Variants in TMEM232 observed in about 807,000 individuals in gnomAD.
TMEM232 encodes the protein transmembrane protein 232.
In TMEM232, 80 loss-of-function variants were observed where a neutral mutation model predicts 78.8. The ratio of observed to expected loss-of-function variants is 1.01; its 90% confidence interval spans 0.85 to 1.22. TMEM232 has a LOEUF of 1.22. Among genes scored for constraint, TMEM232 ranks in the 50% most tolerant of loss-of-function variants. The pLI, the probability that TMEM232 is intolerant of heterozygous loss-of-function variation, is 0.00. For missense variants in TMEM232, 881 were observed against 742.2 expected (o/e 1.19, Z -2.17); for synonymous variants, 297 against 254.3 (o/e 1.17, Z -1.60).
intron 2 of TMEM232, among the ~76,000 whole-genome samples, chr5:110,666,242 T>A (rs995704873): frequency 4.6e-5 from 7 of 152,202 alleles, no homozygotes; most frequent in African/African-American, 1.7e-4. Context: ...TGAAAAAGAT[T>A]ATACTCCATT....
intron 10 of TMEM232, among the ~76,000 whole-genome samples, chr5:110,569,637 T>G (rs943857092): frequency 4.6e-5 from 7 of 151,850 alleles, no homozygotes; most frequent in Admixed American, 2.0e-4. Flanking sequence ...TGAATAAAGA[T>G]AGAAGAACAA....
chr5:110,472,708 G>T (rs944336380), intron 12 of TMEM232, among the ~76,000 whole-genome samples: 1 of 151,866 alleles, frequency 6.6e-6, no homozygotes, highest in African/African-American at 2.4e-5. Flanking sequence ...AAAGCATGGT[G>T]TTGACATAAA....
At chr5:110,737,357 A>C (rs971031196) in intron 1 of TMEM232, among the ~76,000 whole-genome samples, 1 of 152,116 alleles carries the variant, frequency 6.6e-6, no homozygotes, top group Non-Finnish European at 1.5e-5. Context: ...AAACATATGT[A>C]TGTTATCCAT....
At chr5:110,521,724 T>C (rs1769543846) in intron 12 of TMEM232, among the ~76,000 whole-genome samples, 2 of 152,336 alleles carry the variant, frequency 1.3e-5, no homozygotes, top group African/African-American at 4.8e-5. Flanking sequence ...TTCTCTGTTA[T>C]ATATTCTTGG....
rs1239722729 is a variant in TMEM232 at position 110,715,897 on chromosome 5, T to G, written c.-13+10730A>C. ...AGAATTCATCTACATGATAAAACTTTGGTCGCTATAACCTCTTATTATAAA... is the reference window on the plus strand; with the variant it reads ...AGAATTCATCTACATGATAAAACTTGGGTCGCTATAACCTCTTATTATAAA... On this transcript the variant is annotated intron_variant, in intron 1 of 13. Transcript: ENST00000455884. 2.0e-5 allele frequency among the ~76,000 whole-genome samples: 3 copies of G among 152,204 alleles called. No individual in the cohort carries two copies. The East Asian group carries it at 5.8e-4, about 29-fold the overall frequency.
rs1787471706 is a variant in TMEM232 at position 110,646,338 on chromosome 5, C to T, written c.126-3967G>A. Among the ~76,000 whole-genome samples, 4 of 151,708 alleles carry T rather than the reference C, an allele frequency of 2.6e-5. No homozygotes were observed. In the South Asian group the frequency reaches 8.3e-4, roughly 31 times the overall value. On this transcript the variant is annotated intron_variant, in intron 2 of 13. Coordinates refer to ENST00000455884, the MANE Select transcript of TMEM232 (RefSeq NM_001039763.4). ...CTGACTTCAAAATATTACAAAGCCA[C>T]AGTAATTAAACCAGCATGGTACCGG...
intron 12 of TMEM232, among the ~76,000 whole-genome samples, chr5:110,444,640 ATGT>A (rs983349797): frequency 1.3e-5 from 2 of 152,038 alleles, no homozygotes; most frequent in East Asian, 3.9e-4. Flanking sequence ...TACCCCTTAA[ATGT>A]TGTTTTTAGT....
intron 12 of TMEM232, among the ~76,000 whole-genome samples, chr5:110,508,856 AT>A (rs1767288616): frequency 1.4e-5 from 2 of 145,378 alleles, no homozygotes; most frequent in Non-Finnish European, 3.0e-5. Flanking sequence ...ATATAATTAT[AT>A]ATATATATAC....
In TMEM232 at chr5:110,388,388, C is replaced by T. The variant is rs190641118; in HGVS notation, n.616-335G>A. Among the ~76,000 whole-genome samples the T allele has an allele frequency of 8.5e-5, 13 of 152,220 alleles. No homozygotes were observed. The East Asian group carries it at 1.7e-3, about 20-fold the overall frequency. ...CTAGTCCCAGGTAGTATATTCCTAT[C>T]GGCACAACTGCTGGCATTCGCCTGT... On this transcript the variant is annotated intron_variant and non_coding_transcript_variant, in intron 4 of 8. Transcript: ENST00000507188.
chr5:110,553,695 T>C (rs938008418), intron 11 of TMEM232, among the ~76,000 whole-genome samples: 10 of 152,172 alleles, frequency 6.6e-5, no homozygotes, highest in African/African-American at 2.4e-4. Context: ...TCTTTTCCTA[T>C]TTGGATGGCT....
At chr5:110,412,511 TA>T (rs1025888398) in intron 2 of TMEM232, among the ~76,000 whole-genome samples, 3 of 151,468 alleles carry the variant, frequency 2.0e-5, no homozygotes, top group African/African-American at 2.4e-5. Flanking sequence ...ATATGTGACT[TA>T]AAAAAAATCA....
In TMEM232 at chr5:110,466,769, C is replaced by T. The variant is rs191816153; in HGVS notation, c.1704-41853G>A. On this transcript the variant is annotated intron_variant, in intron 12 of 13. Coordinates refer to ENST00000455884, the MANE Select transcript of TMEM232 (RefSeq NM_001039763.4). ...CTGGGACTACAGGTGCCCACCACCA[C>T]GCCCGGCTAATTTTTTTTTGTATTT... 1.3e-4 allele frequency among the ~76,000 whole-genome samples: 20 copies of T among 151,908 alleles called. No individual in the cohort carries two copies. In the East Asian group the frequency reaches 3.7e-3, roughly 28 times the overall value.
chr5:110,404,913 AGT>A (rs1183590063), intron 2 of TMEM232, among the ~76,000 whole-genome samples: 6 of 152,174 alleles, frequency 3.9e-5, no homozygotes, highest in South Asian at 2.1e-4. Flanking sequence ...TAGATGACAC[AGT>A]GATGGCAGGA....
intron 11 of TMEM232, among the ~76,000 whole-genome samples, chr5:110,561,399 G>GTATA (rs567759693): frequency 2.7e-5 from 4 of 150,558 alleles, no homozygotes; most frequent in East Asian, 3.9e-4. Flanking sequence ...ATATGTGTGG[G>GTATA]TATATATATA....
intron 12 of TMEM232, among the ~76,000 whole-genome samples, chr5:110,470,799 A>G (rs1237813645): frequency 6.6e-6 from 1 of 152,236 alleles, no homozygotes; most frequent in Non-Finnish European, 1.5e-5. Flanking sequence ...CCAGATGCAC[A>G]GACATCAACA....
At chr5:110,649,106 A>G (rs898716609) in intron 2 of TMEM232, among the ~76,000 whole-genome samples, 1 of 152,126 alleles carries the variant, frequency 6.6e-6, no homozygotes, top group Non-Finnish European at 1.5e-5. Context: ...CAAGGGAATG[A>G]AAAATTAAAC....
chr5:110,451,268 A>C (rs1020066759), intron 12 of TMEM232, among the ~76,000 whole-genome samples: 4 of 152,124 alleles, frequency 2.6e-5, no homozygotes, highest in African/African-American at 9.7e-5. Flanking sequence ...TTAAATCCCA[A>C]ATTCCTTGAG....
upstream of TMEM232, chr5:110,738,143 C>G: frequency 3.6e-6 from 4 of 1,103,520 alleles, no homozygotes; most frequent in South Asian, 6.0e-5. Context: ...TCTAGGAATC[C>G]TGGGCTTCCA....
chr5:110,663,599 A>T (rs1284960895), intron 2 of TMEM232, among the ~76,000 whole-genome samples: 1 of 152,046 alleles, frequency 6.6e-6, no homozygotes, highest in Non-Finnish European at 1.5e-5. Context: ...GCGATATACC[A>T]TGTTTCTAAA....
Sources: gnomAD v4.1 joint callset for allele counts (sites outside exome capture counted in the v4.1 genomes callset) on GRCh38, gnomAD v4.1.1 for gene constraint, MANE v1.5 for transcripts, NCBI Gene and HGNC (gene_info 2026-07-23, HGNC 2026-07-21) for gene names.